The following KCNN2 variants were observed in gnomAD, a reference collection of about 807,000 sequenced individuals.
KCNN2 encodes the protein potassium calcium-activated channel subfamily N member 2.
Under a neutral mutation model 55.5 loss-of-function variants are expected in KCNN2, and 24 were observed. The observed-to-expected ratio is 0.43, with a 90% CI of 0.31 to 0.61. The LOEUF is 0.61. Among genes scored for constraint, KCNN2 ranks in the 20% least tolerant of loss-of-function variants. The probability of loss-of-function intolerance (pLI) is 0.08; values close to 1 mark genes in which losing one functional copy is unlikely to be tolerated. For missense variants in KCNN2, 754 were observed against 853.6 expected (o/e 0.88, Z 1.45); for synonymous variants, 431 against 336.1 (o/e 1.28, Z -3.09).
intron 1 of KCNN2, among the ~76,000 whole-genome samples, chr5:114,107,563 T>A (rs560184919): frequency 2.0e-5 from 3 of 151,888 alleles, no homozygotes; most frequent in Admixed American, 1.3e-4. Context: ...TTTTTTTTTT[T>A]AATTTTTAAG....
chr5:114,058,012 A>G (rs1267409953), intron 1 of KCNN2, among the ~76,000 whole-genome samples: 1 of 152,232 alleles, frequency 6.6e-6, no homozygotes, highest in Non-Finnish European at 1.5e-5. Context: ...TAATTTCAAC[A>G]TTTGAACATG....
chr5:114,488,643 C>T (rs1693334001), intron 6 of KCNN2, among the ~76,000 whole-genome samples: 1 of 152,108 alleles, frequency 6.6e-6, no homozygotes, highest in Admixed American at 6.6e-5. Flanking sequence ...CCCAGAGATG[C>T]TGAGCTTTCG....
In KCNN2 at chr5:114,363,068, G is replaced by T. The variant is rs747239423; in HGVS notation, c.929G>T (p.Gly310Val). The change falls in exon 1 of 8, where the codon GGG becomes GTG. Residue 310 changes from glycine to valine, a missense_variant. Transcript: ENST00000673685. ...ACTGGAGGAGGCGGCGGCGGTGGCGGGAGCGGGCACGGCAGCAGCAGTGGC... is the reference window on the plus strand; with the variant it reads ...ACTGGAGGAGGCGGCGGCGGTGGCGTGAGCGGGCACGGCAGCAGCAGTGGC... ...GSTGGGGGGG[G>V]SGHGSSSGTK... 1 of 1,609,774 alleles carries T rather than the reference G, an allele frequency of 6.2e-7. No homozygotes were observed. Among genetic ancestry groups the T allele is most frequent in the Non-Finnish European group, 8.5e-7 (1 of 1,179,388 alleles).
chr5:114,289,534 G>A (rs1329968035), intron 2 of KCNN2, among the ~76,000 whole-genome samples: 1 of 151,900 alleles, frequency 6.6e-6, no homozygotes, highest in Non-Finnish European at 1.5e-5. Context: ...GCACCACCAT[G>A]CCTGGGTAAC....
At chr5:114,144,562 T>A (rs529255448) in intron 1 of KCNN2, among the ~76,000 whole-genome samples, 1 of 152,250 alleles carries the variant, frequency 6.6e-6, no homozygotes, top group East Asian at 1.9e-4. Flanking sequence ...AAGGCCTATG[T>A]AAGGCTACGG....
At chr5:114,467,520 C>T (rs1289430211) in intron 4 of KCNN2, among the ~76,000 whole-genome samples, 1 of 152,170 alleles carries the variant, frequency 6.6e-6, no homozygotes, top group East Asian at 1.9e-4. Flanking sequence ...CACTGAATCT[C>T]ATCAGATAAA....
chr5:114,479,951 A>G (rs1762149989), intron 5 of KCNN2, among the ~76,000 whole-genome samples: 1 of 151,822 alleles, frequency 6.6e-6, no homozygotes, highest in South Asian at 2.1e-4. Flanking sequence ...GTTACAACAG[A>G]ACATCTGGAG....
chr5:114,225,941 T>G (rs529135277), intron 2 of KCNN2, among the ~76,000 whole-genome samples: 52 of 152,282 alleles, frequency 3.4e-4, no homozygotes, highest in African/African-American at 1.2e-3. Context: ...GGACATAGAT[T>G]AGTGAGCAAA....
intron 6 of KCNN2, among the ~76,000 whole-genome samples, chr5:114,491,792 G>C (rs1747870958): frequency 6.6e-6 from 1 of 152,044 alleles, no homozygotes; most frequent in Admixed American, 6.6e-5. Flanking sequence ...ATCCACTGTT[G>C]TACACTGCTC....
intron 1 of KCNN2, among the ~76,000 whole-genome samples, chr5:114,155,633 G>A (rs532491460): frequency 1.3e-3 from 204 of 152,248 alleles, no homozygotes; most frequent in Middle Eastern, 0.01. Flanking sequence ...TTTCTCTAAT[G>A]AGCACCAATG....
intron 2 of KCNN2, among the ~76,000 whole-genome samples, chr5:114,374,699 T>A (rs1248843033): frequency 9.9e-5 from 15 of 152,200 alleles, no homozygotes; most frequent in Admixed American, 9.8e-4. Context: ...GGTGTTATTG[T>A]TGAGTGAGTT....
chr5:114,087,671 T>C (rs1483748358), intron 1 of KCNN2, among the ~76,000 whole-genome samples: 1 of 152,134 alleles, frequency 6.6e-6, no homozygotes, highest in Non-Finnish European at 1.5e-5. Context: ...ATCCATCTTA[T>C]TTATTTTCTT....
chr5:114,431,654 C>A (rs1422406773), intron 3 of KCNN2, among the ~76,000 whole-genome samples: 3 of 151,890 alleles, frequency 2.0e-5, no homozygotes, highest in Non-Finnish European at 4.4e-5. Flanking sequence ...TTCTCATTTT[C>A]TAAGGTGGAA....
At chr5:114,156,029 CT>C (rs1393386207) in intron 1 of KCNN2, among the ~76,000 whole-genome samples, 1 of 152,096 alleles carries the variant, frequency 6.6e-6, no homozygotes, top group Middle Eastern at 3.2e-3. Context: ...ACATTTAAGT[CT>C]TTAATCTATC....
chr5:114,136,582 C>T (rs1281224384), intron 1 of KCNN2, among the ~76,000 whole-genome samples: 1 of 152,118 alleles, frequency 6.6e-6, no homozygotes, highest in Non-Finnish European at 1.5e-5. Flanking sequence ...CTATAAGAAA[C>T]TAATATTTTT....
chr5:114,463,046 C>T lies in KCNN2; in HGVS notation c.1638-3C>T, dbSNP rs1374542192. The T allele has an allele frequency of 1.9e-6, 3 of 1,610,760 alleles. No homozygotes were observed. On this transcript the variant is annotated splice_region_variant and splice_polypyrimidine_tract_variant and intron_variant, in intron 3 of 7. Transcript: ENST00000673685. Reference sequence around the variant, plus strand: ...AGGACTGGTTTTGTTTGCTGTTTTTCAGGTACCATGATCAACAGGATGTTA... The same window carrying T: ...AGGACTGGTTTTGTTTGCTGTTTTTTAGGTACCATGATCAACAGGATGTTA...
chr5:114,478,804 G>A (rs141244725), intron 5 of KCNN2, among the ~76,000 whole-genome samples: 7 of 152,150 alleles, frequency 4.6e-5, no homozygotes, highest in African/African-American at 1.2e-4. Flanking sequence ...ACTAAGCTTC[G>A]TAAGTGAAGG....
At chr5:114,090,785 C>G (rs1217570947) in intron 1 of KCNN2, among the ~76,000 whole-genome samples, 4 of 152,014 alleles carry the variant, frequency 2.6e-5, no homozygotes, top group African/African-American at 9.7e-5. Context: ...GTACTTTTCC[C>G]TATTCCTGTT....
chr5:114,276,086 A>G (rs1176379429), intron 2 of KCNN2, among the ~76,000 whole-genome samples: 2 of 152,128 alleles, frequency 1.3e-5, no homozygotes, highest in Non-Finnish European at 2.9e-5. Flanking sequence ...TTCGTTATGT[A>G]TCCAGTAGTC....
Sources: gnomAD v4.1 joint callset for allele counts (sites outside exome capture counted in the v4.1 genomes callset) on GRCh38, gnomAD v4.1.1 for gene constraint, MANE v1.5 for transcripts, NCBI Gene and HGNC (gene_info 2026-07-23, HGNC 2026-07-21) for gene names.